CACNA1C: variants seen among roughly 807,000 people sequenced by gnomAD.
CACNA1C encodes voltage-dependent L-type calcium channel subunit alpha-1C.
Under a neutral mutation model 229.0 loss-of-function variants are expected in CACNA1C, and 30 were observed. The observed-to-expected ratio is 0.13, with a 90% confidence interval of 0.10 to 0.18. CACNA1C has a LOEUF of 0.18. Ranked by LOEUF, CACNA1C falls within the 10% of genes least tolerant of loss-of-function variation. CACNA1C has a pLI of 1.00. For synonymous variants in CACNA1C, 1,114 were observed against 1,132.5 expected (o/e 0.98, Z 0.33); for missense variants, 1,658 against 2,845.0 (o/e 0.58, Z 9.49).
rs578250816 is a variant in CACNA1C at position 2,570,317 on chromosome 12, G to C, written c.1895+2523G>C. 9.2e-5 allele frequency among the ~76,000 whole-genome samples: 14 copies of C among 152,308 alleles called. No homozygotes were observed. The South Asian group carries it at 2.9e-3, about 32-fold the overall frequency. ...TCTGGAGCTGATGGCATCTTGCTCA[G>C]AGCGTGTTTCTGAGTGTCCCTAGGT... is the stretch of plus-strand genomic sequence containing the variant. On this transcript the variant is annotated intron_variant, in intron 13 of 46. Transcript: ENST00000399655.
intron 3 of CACNA1C, among the ~76,000 whole-genome samples, chr12:2,187,704 T>C (rs1287335168): frequency 6.6e-6 from 1 of 152,174 alleles, no homozygotes; most frequent in African/African-American, 2.4e-5. Flanking sequence ...AGCAGGGTGG[T>C]CCCCACAGGG....
intron 3 of CACNA1C, among the ~76,000 whole-genome samples, chr12:2,244,262 G>A (rs142997713): frequency 3.0e-4 from 46 of 152,336 alleles, no homozygotes; most frequent in Middle Eastern, 3.4e-3. Context: ...CCTAGCATGC[G>A]TTGTGGGACG....
intron 30 of CACNA1C, among the ~76,000 whole-genome samples, chr12:2,645,891 T>C (rs1407567066): frequency 1.3e-5 from 2 of 152,136 alleles, no homozygotes; most frequent in Non-Finnish European, 2.9e-5. Context: ...AATCTTTGAG[T>C]CTCTAGATTC....
intron 3 of CACNA1C, among the ~76,000 whole-genome samples, chr12:2,138,799 T>C (rs1022028371): frequency 6.6e-6 from 1 of 151,052 alleles, no homozygotes; most frequent in Admixed American, 6.7e-5. Flanking sequence ...AATACGCCTC[T>C]TTTCTTTTTA....
chr12:2,413,441 A>C (rs115971515), intron 3 of CACNA1C, among the ~76,000 whole-genome samples: 47 of 152,228 alleles, frequency 3.1e-4, no homozygotes, highest in Middle Eastern at 3.4e-3. Flanking sequence ...CCTCAGTTTG[A>C]ATTGCCATGT....
chr12:2,641,512 C>T, intron 30 of CACNA1C: 1 of 582,178 alleles, frequency 1.7e-6, no homozygotes, highest in Non-Finnish European at 3.1e-6. Context: ...CCCTCCAGCC[C>T]CCCTTCTCAT....
rs1444123821 is a variant in CACNA1C at position 2,504,627 on chromosome 12, TG to T, written c.1114-212del. 4.7e-6 allele frequency: 4 copies of T among 856,842 alleles called. No individual in the cohort carries two copies. The Admixed American group carries it at 7.2e-5, about 15-fold the overall frequency. 53.1% of individuals were successfully genotyped at this position (856,842 alleles called of 1,614,324 possible). On this transcript the variant is annotated intron_variant, in intron 7 of 46. Coordinates refer to ENST00000399655, the MANE Select transcript of CACNA1C (RefSeq NM_000719.7). The surrounding 1 kb of genome is among the most constrained non-coding windows in gnomAD (Gnocchi z 6.8). Reference sequence around the variant, plus strand: ...CGTACATGCCCGGGGTCCTCAGGGATGGGACCCTGACAGGCCCAGGAAAACC... The same window carrying T: ...CGTACATGCCCGGGGTCCTCAGGGATGGACCCTGACAGGCCCAGGAAAACC...
intron 1 of CACNA1C, among the ~76,000 whole-genome samples, chr12:2,057,096 C>T (rs2055293265): frequency 6.6e-6 from 1 of 152,192 alleles, no homozygotes; most frequent in Admixed American, 6.5e-5. Context: ...AAATGATGAG[C>T]CGTTAGCCCC....
intron 3 of CACNA1C, among the ~76,000 whole-genome samples, chr12:2,213,701 C>G (rs1164229826): frequency 6.6e-6 from 1 of 152,196 alleles, no homozygotes; most frequent in African/African-American, 2.4e-5. Flanking sequence ...CTTCCTTCCC[C>G]TCTGCAGGCC....
At chr12:2,323,057 C>T (rs562633108) in intron 3 of CACNA1C, among the ~76,000 whole-genome samples, 31 of 152,264 alleles carry the variant, frequency 2.0e-4, no homozygotes, top group East Asian at 1.5e-3. Flanking sequence ...TTCTCTGTGA[C>T]GATCCTCAAG....
intron 11 of CACNA1C, among the ~76,000 whole-genome samples, chr12:2,558,948 A>G (rs1379091395): frequency 2.0e-5 from 3 of 152,232 alleles, no homozygotes; most frequent in Non-Finnish European, 2.9e-5. Context: ...ATATTAAAAA[A>G]AAAAAATTTC....
chr12:2,420,222 C>A (rs2098964738), intron 3 of CACNA1C, among the ~76,000 whole-genome samples: 1 of 151,434 alleles, frequency 6.6e-6, no homozygotes, highest in Non-Finnish European at 1.5e-5. Flanking sequence ...GACATGGAGC[C>A]ACTCCCACTA....
chr12:2,580,380 G>A (rs1002055865), intron 13 of CACNA1C, among the ~76,000 whole-genome samples: 7 of 152,322 alleles, frequency 4.6e-5, no homozygotes, highest in African/African-American at 1.7e-4. Context: ...AGCCCAGGCT[G>A]TGGCTGCAAT....
At chr12:2,290,634 G>A (rs558424850) in intron 3 of CACNA1C, among the ~76,000 whole-genome samples, 1 of 152,292 alleles carries the variant, frequency 6.6e-6, no homozygotes, top group African/African-American at 2.4e-5. Context: ...CATGGACAGT[G>A]AGCCGAGGAG....
At chr12:2,184,461 G>A (rs1459471957) in intron 3 of CACNA1C, among the ~76,000 whole-genome samples, 5 of 152,224 alleles carry the variant, frequency 3.3e-5, no homozygotes, top group South Asian at 2.1e-4. Context: ...TGGAGTCTTC[G>A]GTGAATACGT....
chr12:2,096,406 G>A (rs1279345415), intron 1 of CACNA1C, among the ~76,000 whole-genome samples: 1 of 152,110 alleles, frequency 6.6e-6, no homozygotes, highest in African/African-American at 2.4e-5. Context: ...CCTCTGGACT[G>A]GCCTAAAGTC....
At chr12:2,263,004 G>C (rs1006865461) in intron 3 of CACNA1C, among the ~76,000 whole-genome samples, 2 of 152,154 alleles carry the variant, frequency 1.3e-5, no homozygotes, top group African/African-American at 2.4e-5. Context: ...ATATAAATAC[G>C]ATACATAATA....
At chr12:2,437,717 G>A (rs1035386858) in intron 3 of CACNA1C, among the ~76,000 whole-genome samples, 9 of 151,738 alleles carry the variant, frequency 5.9e-5, no homozygotes, top group Admixed American at 3.3e-4. Flanking sequence ...GATGGTAATG[G>A]TAGAGGTAGT....
intron 3 of CACNA1C, among the ~76,000 whole-genome samples, chr12:2,355,360 C>T (rs1485777225): frequency 1.3e-5 from 2 of 150,742 alleles, no homozygotes; most frequent in African/African-American, 5.0e-5. Context: ...CAGGACCTCC[C>T]ACCCCCCCAC....
Sources: allele counts gnomAD v4.1 joint callset (sites outside exome capture counted in the v4.1 genomes callset), GRCh38; gene constraint gnomAD v4.1.1; non-coding constraint Gnocchi (gnomAD v3.1); transcripts MANE v1.5; gene names NCBI Gene and HGNC (gene_info 2026-07-23, HGNC 2026-07-21).